UGT2B10: variants seen among roughly 807,000 people sequenced by gnomAD.
The protein encoded by UGT2B10 is UDP glucuronosyltransferase family 2 member B10.
UGT2B10 carries 51 observed loss-of-function variants against 43.7 expected under a neutral mutation model. The observed-to-expected ratio is 1.17, with a 90% CI of 0.93 to 1.47. The LOEUF is 1.47. UGT2B10 is among the 40% of genes most tolerant of loss of function. The pLI is 0.00. For missense variants in UGT2B10, 696 were observed against 617.7 expected (o/e 1.13, Z -1.34); for synonymous variants, 225 against 209.0 (o/e 1.08, Z -0.66).
chr4:68,827,515 T>G lies in UGT2B10; in HGVS notation c.1274T>G (p.Leu425Arg). 1 of 1,613,356 alleles carries G rather than the reference T, an allele frequency of 6.2e-7. No homozygotes were observed. The highest frequency in any genetic ancestry group is 2.2e-5 in the East Asian group (1 of 44,822). Residue 425 changes from leucine (L) to arginine (R), a missense_variant, in exon 5 of 6, where the codon CTG (leucine) becomes CGG (arginine). By Grantham distance (102) the Leu-to-Arg change is moderately radical. Coordinates refer to ENST00000265403, the MANE Select transcript of UGT2B10 (RefSeq NM_001075.6). ...DFNTMSSTDL[L>R]NALKTVINDP... ...AACACAATGTCGAGTACAGACCTGCTGAATGCACTGAAGACAGTAATTAAT... is the reference window on the plus strand; with the variant it reads ...AACACAATGTCGAGTACAGACCTGCGGAATGCACTGAAGACAGTAATTAAT...
chr4:68,820,511 A>G (rs1419638236), intron 2 of UGT2B10, among the ~76,000 whole-genome samples: 6 of 152,070 alleles, frequency 3.9e-5, no homozygotes, highest in African/African-American at 1.4e-4. Context: ...AAGTAATCCA[A>G]CATGTTACAT....
At chr4:68,827,674 C>A (rs954058027) in intron 5 of UGT2B10, 126 bp downstream of exon 5, 3 of 1,434,900 alleles carry the variant, frequency 2.1e-6, no homozygotes, top group South Asian at 3.0e-5. Flanking sequence ...TTAACCAATC[C>A]GAAATCTGCT....
In UGT2B10 at chr4:68,831,038, A is replaced by G. The variant is rs1172051032; in HGVS notation, c.*159A>G. 33 of 929,814 alleles carry G rather than the reference A, an allele frequency of 3.5e-5. No individual in the cohort carries two copies. The highest frequency in any genetic ancestry group is 2.9e-4 in the East Asian group (11 of 37,682). The allele number at this position is 929,814 out of a possible 1,614,324, so 57.6% of individuals were successfully genotyped here. On this transcript the variant is annotated 3_prime_UTR_variant, in exon 6 of 6. Coordinates refer to ENST00000265403, the MANE Select transcript of UGT2B10 (RefSeq NM_001075.6). ...GTAAAAATTTGTTTTTCAGAGATTT[A>G]CCACCCAGTTAATGGTTAGAAATAT...
At chr4:68,829,551 A>G (rs1184328676) in intron 5 of UGT2B10, among the ~76,000 whole-genome samples, 1 of 152,032 alleles carries the variant, frequency 6.6e-6, no homozygotes, top group African/African-American at 2.4e-5. Flanking sequence ...GGAATCAGAT[A>G]GAAAATAAGC....
chr4:68,826,342 T>C, intron 3 of UGT2B10, 68 bp from the exon 4 acceptor site: 1 of 1,498,810 alleles, frequency 6.7e-7, no homozygotes, highest in Non-Finnish European at 9.1e-7. Flanking sequence ...CTACTCTTTT[T>C]ACAGTTCTAA....
chr4:68,817,257 G>A (rs1293364209), intron 1 of UGT2B10, among the ~76,000 whole-genome samples: 1 of 151,642 alleles, frequency 6.6e-6, no homozygotes, highest in Non-Finnish European at 1.5e-5. Flanking sequence ...AAATCAATAA[G>A]GGTAATTTGA....
At chr4:68,823,681 T>C (rs1737627564) in intron 3 of UGT2B10, among the ~76,000 whole-genome samples, 1 of 152,114 alleles carries the variant, frequency 6.6e-6, no homozygotes, top group Non-Finnish European at 1.5e-5. Flanking sequence ...TTTTTAAAAT[T>C]TTTTAAAATA....
Position 68,826,406 on chromosome 4 carries a change from A to G in UGT2B10, c.1000-4A>G. 3 of 1,609,430 alleles carry G rather than the reference A, an allele frequency of 1.9e-6. No homozygotes were observed. Among genetic ancestry groups the G allele is most frequent in the South Asian group, 1.1e-5 (1 of 90,392 alleles). On this transcript the variant is annotated splice_region_variant and splice_polypyrimidine_tract_variant and intron_variant, in intron 3 of 5. Coordinates refer to ENST00000265403, the MANE Select transcript of UGT2B10 (RefSeq NM_001075.6). ...GGAATAAGATATTCTCTTTACTGTAACAGGTTCTTTGGAGATTTGATGGGA... is the reference window on the plus strand; with the variant it reads ...GGAATAAGATATTCTCTTTACTGTAGCAGGTTCTTTGGAGATTTGATGGGA...
At position 68,831,200 on chromosome 4, in the gene UGT2B10, T is replaced by A. The variant is rs554288126; in HGVS notation, c.*321T>A. 1 of 250,870 alleles carries A rather than the reference T, an allele frequency of 4.0e-6. No individual in the cohort carries two copies. Among genetic ancestry groups the A allele is most frequent in the South Asian group, 6.9e-5 (1 of 14,498 alleles). The allele number at this position is 250,870 out of a possible 1,614,324, so 15.5% of individuals were successfully genotyped here. ...CCTCAACTTACTAAGCTCAAGAGGT[T>A]CTCTCACCTCAGCCCCCCAAGTAGC... On this transcript the variant is annotated 3_prime_UTR_variant, in exon 6 of 6. Transcript: ENST00000265403.
intron 3 of UGT2B10, among the ~76,000 whole-genome samples, chr4:68,826,037 T>C (rs750907213): frequency 9.9e-5 from 15 of 152,088 alleles, no homozygotes; most frequent in Admixed American, 2.0e-4. Flanking sequence ...CCATTCTGAC[T>C]GGTGTGCGAT....
At chr4:68,817,850 G>T (rs1253219744) in intron 1 of UGT2B10, among the ~76,000 whole-genome samples, 179 bp from the exon 2 acceptor site, 3 of 151,436 alleles carry the variant, frequency 2.0e-5, no homozygotes, top group Non-Finnish European at 4.4e-5. Context: ...AAATAAACAA[G>T]GGCAAAATAT....
intron 2 of UGT2B10, among the ~76,000 whole-genome samples, chr4:68,821,093 GTTAAC>G (rs1404121451): frequency 6.6e-6 from 1 of 152,092 alleles, no homozygotes; most frequent in African/African-American, 2.4e-5. Context: ...GGACTCTCAC[GTTAAC>G]TTAAGATTAC....
At chr4:68,829,076 A>C (rs1364521615) in intron 5 of UGT2B10, among the ~76,000 whole-genome samples, 2 of 152,022 alleles carry the variant, frequency 1.3e-5, no homozygotes, top group African/African-American at 4.8e-5. Flanking sequence ...AAGAGTGGTC[A>C]TGACAGAATT....
chr4:68,830,619 A>G lies in UGT2B10; in HGVS notation c.1327A>G (p.Lys443Glu), dbSNP rs1738038046. The G allele has an allele frequency of 6.2e-7, 1 of 1,612,424 alleles. No homozygotes were observed. The highest frequency in any genetic ancestry group is 8.5e-7 in the Non-Finnish European group (1 of 1,179,196). The change falls in exon 6 of 6, where the codon AAA becomes GAA. Residue 443 changes from lysine to glutamate, a missense_variant. Transcript: ENST00000265403. ...NDPSYKENIM[K>E]LSRIQHDQPV... ...CTTCAGATATAAAGAGAATATTATGAAATTATCAAGAATTCAACATGATCA... is the reference window on the plus strand; with the variant it reads ...CTTCAGATATAAAGAGAATATTATGGAATTATCAAGAATTCAACATGATCA...
intron 5 of UGT2B10, among the ~76,000 whole-genome samples, chr4:68,829,166 C>T (rs1262041726): frequency 2.0e-5 from 3 of 152,044 alleles, no homozygotes; most frequent in Non-Finnish European, 4.4e-5. Context: ...CTTTATCCAT[C>T]AACAAAATAC....
At position 68,831,123 on chromosome 4, in the gene UGT2B10, T is replaced by C. The variant is rs944132619; in HGVS notation, c.*244T>C. 2.0e-6 allele frequency: 1 copy of C among 495,426 alleles called. No individual in the cohort carries two copies. The highest frequency in any genetic ancestry group is 3.1e-5 in the South Asian group (1 of 32,054). 30.7% of individuals were successfully genotyped at this position (495,426 alleles called of 1,614,324 possible). A position where few individuals can be genotyped will look rare whatever the true frequency, so the allele number is the denominator to read the frequency against. On this transcript the variant is annotated 3_prime_UTR_variant, in exon 6 of 6. Transcript: ENST00000265403. ...AAAATAATATAAAGCCATATGAGCT[T>C]GTATTGAAATTTGTTGCACTTATAT...
At chr4:68,817,869 TA>T (rs2109683777) in intron 1 of UGT2B10, among the ~76,000 whole-genome samples, 159 bp from the exon 2 acceptor site, 1 of 151,932 alleles carries the variant, frequency 6.6e-6, no homozygotes, top group African/African-American at 2.4e-5. Context: ...ATAGAATACA[TA>T]AAAAATAAAT....
rs547937683 is a variant in UGT2B10, at chr4:68,830,995, C to T, written c.*116C>T. ...TTCCTGTGACAAAAAAAAATCCTTT[C>T]GAAGTCTACCTTGTCAAGTAAAAAT... On this transcript the variant is annotated 3_prime_UTR_variant, in exon 6 of 6. Coordinates refer to ENST00000265403, the MANE Select transcript of UGT2B10 (RefSeq NM_001075.6). 52 of 1,382,656 alleles carry T rather than the reference C, an allele frequency of 3.8e-5. No individual in the cohort carries two copies. The highest frequency in any genetic ancestry group is 9.6e-5 in the East Asian group (4 of 41,618). 85.6% of individuals were successfully genotyped at this position (1,382,656 alleles called of 1,614,324 possible). A position where few individuals can be genotyped will look rare whatever the true frequency, so the allele number is the denominator to read the frequency against.
At position 68,826,482 on chromosome 4, in the gene UGT2B10, C is replaced by A; in HGVS notation, c.1072C>A (p.Gln358Lys). 6.2e-7 allele frequency: 1 copy of A among 1,612,264 alleles called. No individual in the cohort carries two copies. Among genetic ancestry groups the A allele is most frequent in the Non-Finnish European group, 8.5e-7 (1 of 1,179,054 alleles). Reference protein sequence around the residue: ...LNTRLYKWIPQNDLLGHPKTR... With the variant: ...LNTRLYKWIPKNDLLGHPKTR... The stretch of plus-strand genomic sequence containing the variant: ...TACTCGACTGTACAAGTGGATACCC[C>A]AGAATGACCTTCTAGGTAACACTCT... The change falls in exon 4 of 6, where the codon CAG (glutamine) becomes AAG (lysine). Residue 358 changes from glutamine to lysine, a missense_variant. Gln to Lys is a moderately conservative substitution (Grantham distance 53). Coordinates refer to ENST00000265403, the MANE Select transcript of UGT2B10 (RefSeq NM_001075.6).
Sources: allele counts gnomAD v4.1 joint callset (sites outside exome capture counted in the v4.1 genomes callset), GRCh38; gene constraint gnomAD v4.1.1; transcripts MANE v1.5; gene names NCBI Gene and HGNC (gene_info 2026-07-23, HGNC 2026-07-21).